Variants in DPYD observed in about 807,000 individuals in gnomAD.
DPYD encodes the protein dihydropyrimidine dehydrogenase, also known as dihydropyrimidine dehydrogenase [NADP(+)].
In DPYD, 109 loss-of-function variants were observed where a neutral mutation model predicts 116.2. The observed-to-expected ratio is 0.94, with a 90% confidence interval of 0.80 to 1.10. The LOEUF is 1.10. DPYD is among the 50% of genes least tolerant of loss of function. The pLI is 0.00. For synonymous variants in DPYD, 440 were observed against 432.0 expected (o/e 1.02, Z -0.23); for missense variants, 1,302 against 1,254.5 (o/e 1.04, Z -0.57).
At position 97,098,353 on chromosome 1, in the gene DPYD, C is replaced by G. The variant is rs11165777; in HGVS notation, c.2766+136G>C. ...ATTTAAATGCAGTTTTCACCATGGACAGATGTTTTTAAAACTTTCATTATA... is the reference window on the plus strand; with the variant it reads ...ATTTAAATGCAGTTTTCACCATGGAGAGATGTTTTTAAAACTTTCATTATA... On this transcript the variant is annotated intron_variant, in intron 21 of 22. Transcript: ENST00000370192. The G allele has an allele frequency of 2.2e-3, 2,268 of 1,023,104 alleles. 47 individuals are homozygous for G. The Admixed American group carries it at 0.035, about 16-fold the overall frequency. The allele number at this position is 1,023,104 out of a possible 1,614,324, so 63.4% of individuals were successfully genotyped here.
intron 3 of DPYD, 48 bp downstream of exon 3, chr1:97,828,066 T>A (rs371097259): frequency 3.2e-6 from 5 of 1,561,630 alleles, no homozygotes; most frequent in Non-Finnish European, 4.4e-6. Context: ...GAAGAATGAC[T>A]TTTTCTTTAC....
At chr1:97,301,397 T>C (rs575661862) in intron 18 of DPYD, among the ~76,000 whole-genome samples, 2 of 152,018 alleles carry the variant, frequency 1.3e-5, no homozygotes, top group South Asian at 2.1e-4. Context: ...TAGAACAAAT[T>C]TGGCAAATAA....
intron 14 of DPYD, among the ~76,000 whole-genome samples, chr1:97,397,185 GC>G (rs974429091): frequency 6.6e-6 from 1 of 151,902 alleles, no homozygotes; most frequent in Admixed American, 6.6e-5. Context: ...CTTGCTACAA[GC>G]AAAAGTGCAT....
Position 97,485,725 on chromosome 1 carries a change from T to C in DPYD, c.1740+30001A>G, listed in dbSNP as rs1267923283. ...TTCAGGAATATAATTGCCGATCCTCTGCAAAATTCTTCAGCTAATATTGAC... is the reference window on the plus strand; with the variant it reads ...TTCAGGAATATAATTGCCGATCCTCCGCAAAATTCTTCAGCTAATATTGAC... On this transcript the variant is annotated intron_variant, in intron 13 of 22. Coordinates refer to ENST00000370192, the MANE Select transcript of DPYD (RefSeq NM_000110.4). Among the ~76,000 whole-genome samples the C allele has an allele frequency of 2.4e-4, 36 of 152,196 alleles. 1 individual carries two copies. Among genetic ancestry groups the C allele is most frequent in the Admixed American group, 2.4e-3 (36 of 15,282 alleles).
intron 19 of DPYD, among the ~76,000 whole-genome samples, chr1:97,227,784 C>A (rs1661290755): frequency 1.3e-5 from 2 of 151,750 alleles, no homozygotes; most frequent in African/African-American, 4.8e-5. Context: ...TGTTGAGATG[C>A]AAAATGTATT....
At chr1:97,645,749 G>C (rs765643549) in intron 8 of DPYD, among the ~76,000 whole-genome samples, 1 of 151,920 alleles carries the variant, frequency 6.6e-6, no homozygotes, top group Non-Finnish European at 1.5e-5. Flanking sequence ...ATATATAAAA[G>C]CTGTTGATCT....
At chr1:97,871,935 T>C (rs2101618339) in intron 2 of DPYD, among the ~76,000 whole-genome samples, 1 of 151,990 alleles carries the variant, frequency 6.6e-6, no homozygotes, top group Non-Finnish European at 1.5e-5. Context: ...CAACCACGAT[T>C]TTAAGAATAC....
intron 20 of DPYD, among the ~76,000 whole-genome samples, chr1:97,162,740 G>A (rs1431695811): frequency 6.6e-6 from 1 of 152,110 alleles, no homozygotes; most frequent in Admixed American, 6.6e-5. Flanking sequence ...ATAGTACAAG[G>A]CTACAGTAAC....
chr1:97,748,347 A>G (rs1161248179), intron 3 of DPYD, among the ~76,000 whole-genome samples: 1 of 152,138 alleles, frequency 6.6e-6, no homozygotes, highest in Non-Finnish European at 1.5e-5. Flanking sequence ...GGTGACTCAC[A>G]CCTGTAATCC....
chr1:97,858,792 T>C (rs1670975899), intron 2 of DPYD, among the ~76,000 whole-genome samples: 1 of 152,166 alleles, frequency 6.6e-6, no homozygotes, highest in Non-Finnish European at 1.5e-5. Context: ...TCTTTGCTAC[T>C]GTCAAAACAA....
chr1:97,525,989 G>C (rs1413565318), intron 12 of DPYD, among the ~76,000 whole-genome samples: 1 of 151,410 alleles, frequency 6.6e-6, no homozygotes, highest in Non-Finnish European at 1.5e-5. Context: ...GTGTGTGTGT[G>C]TGTGTGTGTG....
chr1:97,918,473 T>C (rs541957164), intron 1 of DPYD, among the ~76,000 whole-genome samples: 5 of 152,338 alleles, frequency 3.3e-5, no homozygotes, highest in African/African-American at 1.2e-4. Context: ...TAGGTCCTAT[T>C]ACCAAGTAAC....
At chr1:97,318,290 T>G (rs1667992019) in intron 16 of DPYD, among the ~76,000 whole-genome samples, 1 of 127,100 alleles carries the variant, frequency 7.9e-6, no homozygotes, top group Non-Finnish European at 1.8e-5. Flanking sequence ...ACTGGCAAGT[T>G]GGATAAAGAG....
rs763784786 is a variant in DPYD, at chr1:97,373,604, G to C, written c.2015C>G (p.Pro672Arg). ...CATTCCTCTTTCTCCCATGCCATGT[G>C]GACATGATAAATTTAACTCCAGGGC... is the stretch of plus-strand genomic sequence containing the variant. Reference protein sequence around the residue: ...ADALELNLSCPHGMGERGMGL... With the variant: ...ADALELNLSCRHGMGERGMGL... The change falls in exon 16 of 23, where the codon CCA becomes CGA. Residue 672 changes from proline (P) to arginine (R), a missense_variant. Coordinates refer to ENST00000370192, the MANE Select transcript of DPYD (RefSeq NM_000110.4). The C allele has an allele frequency of 6.2e-7, 1 of 1,613,794 alleles. No individual in the cohort carries two copies. Among genetic ancestry groups the C allele is most frequent in the Non-Finnish European group, 8.5e-7 (1 of 1,179,822 alleles).
chr1:97,410,007 A>C (rs1350062926), intron 14 of DPYD, among the ~76,000 whole-genome samples: 1 of 151,804 alleles, frequency 6.6e-6, no homozygotes, highest in Non-Finnish European at 1.5e-5. Context: ...TGAAGGTTGC[A>C]GTGAGCTGAG....
chr1:97,347,701 T>C (rs546318487), intron 16 of DPYD, among the ~76,000 whole-genome samples: 125 of 152,172 alleles, frequency 8.2e-4, no homozygotes, highest in Middle Eastern at 6.8e-3. Context: ...CAGACAAAAT[T>C]GTAGGTATTT....
intron 12 of DPYD, among the ~76,000 whole-genome samples, chr1:97,525,783 AGAGAGAGT>A (rs951424983): frequency 8.1e-5 from 12 of 148,126 alleles, no homozygotes; most frequent in African/African-American, 3.0e-4. Flanking sequence ...AGAGAGAGAG[AGAGAGAGT>A]GTGTGTGTGT....
Position 97,678,085 on chromosome 1 carries a change from A to G in DPYD, c.850+1010T>C, listed in dbSNP as rs118138977. On this transcript the variant is annotated intron_variant, in intron 8 of 22. Coordinates refer to ENST00000370192, the MANE Select transcript of DPYD (RefSeq NM_000110.4). ...CAGTTTCATGGAAGAAAATTTTTCCATGGACCGGGTTGGAGAAAGAGGATG... is the reference window on the plus strand; with the variant it reads ...CAGTTTCATGGAAGAAAATTTTTCCGTGGACCGGGTTGGAGAAAGAGGATG... Among the ~76,000 whole-genome samples the G allele has an allele frequency of 1.3e-3, 198 of 152,294 alleles. 1 individual carries two copies. The East Asian group carries it at 0.03, about 23-fold the overall frequency.
intron 12 of DPYD, among the ~76,000 whole-genome samples, chr1:97,544,652 C>G (rs1484951261): frequency 7.4e-6 from 1 of 134,300 alleles, no homozygotes; most frequent in Admixed American, 7.5e-5. Context: ...CAGGAAGTTA[C>G]AAGACAACAG....
Sources: allele counts gnomAD v4.1 joint callset (sites outside exome capture counted in the v4.1 genomes callset), GRCh38; gene constraint gnomAD v4.1.1; transcripts MANE v1.5; gene names NCBI Gene and HGNC (gene_info 2026-07-23, HGNC 2026-07-21).